Variants in GPHN observed in about 807,000 individuals in gnomAD.
GPHN encodes the protein gephyrin.
GPHN carries 17 observed loss-of-function variants against 95.5 expected under a neutral mutation model. That is an observed-to-expected ratio of 0.18 (90% CI 0.12 to 0.27). The LOEUF (loss-of-function observed/expected upper bound fraction) is 0.27. Ranked by LOEUF, GPHN falls within the 10% of genes least tolerant of loss-of-function variation. The pLI is 1.00. For missense variants in GPHN, 660 were observed against 978.1 expected (o/e 0.67, Z 4.34); for synonymous variants, 320 against 322.5 (o/e 0.99, Z 0.08).
At chr14:66,902,550 A>T (rs1351909128) in intron 5 of GPHN, among the ~76,000 whole-genome samples, 3 of 152,040 alleles carry the variant, frequency 2.0e-5, no homozygotes, top group African/African-American at 4.8e-5. Context: ...TTCTATACTC[A>T]GTTTGAATGA....
chr14:67,401,610 C>G, the GPHN span, among the ~76,000 whole-genome samples: 1 of 152,144 alleles, frequency 6.6e-6, no homozygotes, highest in Non-Finnish European at 1.5e-5. Context: ...GAGGTGCCAT[C>G]TGCAAGCCAA....
At chr14:67,211,215 T>G in the GPHN span, among the ~76,000 whole-genome samples, 1 of 152,272 alleles carries the variant, frequency 6.6e-6, no homozygotes, top group African/African-American at 2.4e-5. Context: ...AGGCTCATGG[T>G]AACTGTTCAA....
intron 10 of GPHN, among the ~76,000 whole-genome samples, chr14:67,024,719 G>A (rs2073835796): frequency 6.6e-6 from 1 of 152,150 alleles, no homozygotes; most frequent in Non-Finnish European, 1.5e-5. Flanking sequence ...ATGACAGCAT[G>A]CATCAAGTAT....
chr14:67,447,460 T>G, the GPHN span: 1 of 152,208 alleles, frequency 6.6e-6, no homozygotes, highest in African/African-American at 2.4e-5. Context: ...TGAAAGATTA[T>G]TATTTAGCTT....
At chr14:66,997,182 A>G (rs951821351) in intron 9 of GPHN, among the ~76,000 whole-genome samples, 2 of 151,930 alleles carry the variant, frequency 1.3e-5, no homozygotes, top group African/African-American at 4.8e-5. Flanking sequence ...CCTGGCCAAC[A>G]TGGTGAAACC....
At position 66,996,348 on chromosome 14, in the gene GPHN, A is replaced by AT; in HGVS notation, c.964-27285_964-27284insT. The AT allele has an allele frequency of 7.7e-6, 5 of 650,022 alleles. No homozygotes were observed. The South Asian group carries it at 9.0e-5, about 12-fold the overall frequency. 40.3% of individuals were successfully genotyped at this position (650,022 alleles called of 1,614,324 possible). A position where few individuals can be genotyped will look rare whatever the true frequency, so the allele number is the denominator to read the frequency against. On this transcript the variant is annotated intron_variant, in intron 9 of 22. Transcript: ENST00000478722. The stretch of plus-strand genomic sequence containing the variant: ...GCACTTGCCTGAAAGGGATGAGGAT[A>AT]CCAAAGGGGGAAAATTCACCTGTTT...
At chr14:67,439,567 TTC>T in the GPHN span, among the ~76,000 whole-genome samples, 1 of 125,708 alleles carries the variant, frequency 8.0e-6, no homozygotes, top group African/African-American at 4.3e-5. Context: ...CTTTCTTTCT[TTC>T]TTTCTTTCTT....
chr14:66,982,821 T>C (rs559628514), intron 9 of GPHN, among the ~76,000 whole-genome samples: 2 of 152,258 alleles, frequency 1.3e-5, no homozygotes, highest in East Asian at 3.9e-4. Context: ...CTACTGATAG[T>C]GTTTTGCCTT....
the GPHN span, chr14:67,338,400 G>GT: frequency 4.1e-6 from 2 of 484,794 alleles, no homozygotes; most frequent in African/African-American, 3.9e-5. Flanking sequence ...AGTAAATTCT[G>GT]TAAGTTCCTG....
chr14:66,713,006 T>G (rs2069806483), intron 2 of GPHN, among the ~76,000 whole-genome samples: 1 of 152,170 alleles, frequency 6.6e-6, no homozygotes, highest in Non-Finnish European at 1.5e-5. Flanking sequence ...TATTTTCTAT[T>G]TTTTGCTAAT....
At chr14:67,321,344 G>A in the GPHN span, 1 of 1,262,536 alleles carries the variant, frequency 7.9e-7, no homozygotes, top group Non-Finnish European at 1.1e-6. Flanking sequence ...TTTGGTCCAA[G>A]AACAGCGCGA....
chr14:66,647,472 A>T (rs980596497), intron 1 of GPHN, among the ~76,000 whole-genome samples: 20 of 151,954 alleles, frequency 1.3e-4, no homozygotes, highest in African/African-American at 4.6e-4. Context: ...TTCAAAATAC[A>T]GTAGTCCCTC....
At chr14:66,687,557 C>T (rs557044528) in intron 2 of GPHN, among the ~76,000 whole-genome samples, 19 of 142,748 alleles carry the variant, frequency 1.3e-4, no homozygotes, top group African/African-American at 3.7e-4. Context: ...GGCACAATCT[C>T]GGCTCACCGC....
chr14:66,949,404 C>A (rs2067957790), intron 8 of GPHN, among the ~76,000 whole-genome samples: 1 of 152,144 alleles, frequency 6.6e-6, no homozygotes, highest in African/African-American at 2.4e-5. Context: ...AGCCTGTAAT[C>A]AATCATTATT....
At chr14:67,376,362 G>A in the GPHN span, 2 of 1,349,666 alleles carry the variant, frequency 1.5e-6, no homozygotes, top group Non-Finnish European at 2.0e-6. Flanking sequence ...GCCAAATTAT[G>A]TTATTTACTA....
At chr14:66,894,235 A>G (rs1400466601) in intron 5 of GPHN, among the ~76,000 whole-genome samples, 4 of 152,214 alleles carry the variant, frequency 2.6e-5, no homozygotes, top group Admixed American at 6.5e-5. Flanking sequence ...GATCCTGGGC[A>G]AACCTGACAA....
At chr14:67,215,005 C>T in the GPHN span, among the ~76,000 whole-genome samples, 3 of 152,028 alleles carry the variant, frequency 2.0e-5, no homozygotes, top group African/African-American at 7.3e-5. Flanking sequence ...GTGATTTTTG[C>T]ACATTGATTT....
the GPHN span, among the ~76,000 whole-genome samples, chr14:67,217,680 A>C: frequency 6.6e-6 from 1 of 152,208 alleles, no homozygotes; most frequent in South Asian, 2.1e-4. Flanking sequence ...AGGCCAATCT[A>C]GTGATGATGA....
chr14:66,634,751 T>C (rs1390194052), intron 1 of GPHN, among the ~76,000 whole-genome samples: 3 of 152,184 alleles, frequency 2.0e-5, no homozygotes, highest in African/African-American at 7.2e-5. Context: ...ATAAGATTGC[T>C]TTTTTTAAAA....
Sources: gnomAD v4.1 joint callset for allele counts (sites outside exome capture counted in the v4.1 genomes callset) on GRCh38, gnomAD v4.1.1 for gene constraint, MANE v1.5 for transcripts, NCBI Gene and HGNC (gene_info 2026-07-23, HGNC 2026-07-21) for gene names.